The following BTBD9 variants were observed in gnomAD, a reference collection of about 807,000 sequenced individuals.
BTBD9 encodes the protein BTB domain containing 9, also known as BTB/POZ domain-containing protein 9.
BTBD9 carries 49 observed loss-of-function variants against 64.3 expected under a neutral mutation model. The observed-to-expected ratio is 0.76, with a 90% CI of 0.61 to 0.97. BTBD9 has a LOEUF of 0.97. Among genes scored for constraint, BTBD9 ranks in the 50% least tolerant of loss-of-function variants. The probability of loss-of-function intolerance (pLI) is 0.00; values close to 1 mark genes in which losing one functional copy is unlikely to be tolerated. For synonymous variants in BTBD9, 260 were observed against 274.7 expected (o/e 0.95, Z 0.53); for missense variants, 598 against 762.1 (o/e 0.78, Z 2.53).
Position 38,178,790 on chromosome 6 carries a change from C to T in BTBD9, c.1642-3608G>A, listed in dbSNP as rs888493225. On this transcript the variant is annotated intron_variant, in intron 10 of 10. Coordinates refer to ENST00000481247, the MANE Select transcript of BTBD9 (RefSeq NM_001099272.2). ...AGAGGCCACACCCAATGGGACAGGG[C>T]GAGGGCCTGGCCTTAAGCTGGGCAG... Among the ~76,000 whole-genome samples, 6 of 152,154 alleles carry T rather than the reference C, an allele frequency of 3.9e-5. No homozygotes were observed. The South Asian group carries it at 8.3e-4, about 21-fold the overall frequency.
At chr6:38,462,197 G>A (rs1443354850) in intron 6 of BTBD9, among the ~76,000 whole-genome samples, 1 of 152,034 alleles carries the variant, frequency 6.6e-6, no homozygotes, top group African/African-American at 2.4e-5. Context: ...TTTATGAATT[G>A]TTCTTTTGAT....
intron 9 of BTBD9, among the ~76,000 whole-genome samples, chr6:38,226,788 T>C (rs919161079): frequency 2.0e-5 from 3 of 152,194 alleles, no homozygotes; most frequent in Non-Finnish European, 2.9e-5. Flanking sequence ...CAGAGTTACC[T>C]CCACTGACAT....
intron 6 of BTBD9, among the ~76,000 whole-genome samples, chr6:38,555,280 A>G (rs1049471392): frequency 1.3e-5 from 2 of 152,198 alleles, no homozygotes; most frequent in Non-Finnish European, 2.9e-5. Context: ...GTTACCAGCA[A>G]AACTGGAGAG....
At chr6:38,504,915 C>T (rs1341268579) in intron 6 of BTBD9, among the ~76,000 whole-genome samples, 1 of 152,222 alleles carries the variant, frequency 6.6e-6, no homozygotes, top group African/African-American at 2.4e-5. Context: ...CACTTGTCTG[C>T]TGTTTCCACC....
At chr6:38,557,266 A>G (rs1039770907) in intron 6 of BTBD9, among the ~76,000 whole-genome samples, 32 of 151,844 alleles carry the variant, frequency 2.1e-4, no homozygotes, top group Non-Finnish European at 4.1e-4. Flanking sequence ...GAATCACTTC[A>G]CCCCGGAGGC....
intron 6 of BTBD9, among the ~76,000 whole-genome samples, chr6:38,450,961 CTTTG>C (rs1769513979): frequency 6.6e-6 from 1 of 152,180 alleles, no homozygotes; most frequent in Non-Finnish European, 1.5e-5. Flanking sequence ...GCTTTCATCA[CTTTG>C]TTTGTTGCCT....
At chr6:38,337,654 C>G (rs140717579) in intron 7 of BTBD9, among the ~76,000 whole-genome samples, 3 of 152,168 alleles carry the variant, frequency 2.0e-5, no homozygotes, top group Non-Finnish European at 4.4e-5. Flanking sequence ...ATTTCCATAC[C>G]TTGCCAATGT....
chr6:38,560,527 A>G (rs550872473), intron 6 of BTBD9, among the ~76,000 whole-genome samples: 4 of 152,350 alleles, frequency 2.6e-5, no homozygotes, highest in Admixed American at 2.6e-4. Flanking sequence ...TCCTTTATAT[A>G]AACATTTTTA....
At chr6:38,495,389 C>A (rs968056665) in intron 6 of BTBD9, among the ~76,000 whole-genome samples, 2 of 152,166 alleles carry the variant, frequency 1.3e-5, no homozygotes, top group African/African-American at 4.8e-5. Context: ...ATGCAGAAGA[C>A]CTATTTTCAC....
At chr6:38,233,022 G>A (rs994817582) in intron 9 of BTBD9, among the ~76,000 whole-genome samples, 1 of 152,156 alleles carries the variant, frequency 6.6e-6, no homozygotes, top group Non-Finnish European at 1.5e-5. Context: ...TGCTTCCTTG[G>A]TGGGAGGCCT....
At chr6:38,624,451 C>A (rs1403288134) in intron 1 of BTBD9, among the ~76,000 whole-genome samples, 4 of 152,068 alleles carry the variant, frequency 2.6e-5, no homozygotes, top group Non-Finnish European at 5.9e-5. Flanking sequence ...GTCAGAGAGA[C>A]CACGAACCCA....
chr6:38,252,330 C>A (rs894708636), intron 9 of BTBD9, among the ~76,000 whole-genome samples: 19 of 152,180 alleles, frequency 1.2e-4, no homozygotes, highest in Non-Finnish European at 4.4e-5. Flanking sequence ...CTAATAGAGT[C>A]CTCTCTTGAG....
chr6:38,612,674 A>C (rs776420018), intron 1 of BTBD9, among the ~76,000 whole-genome samples: 50 of 152,186 alleles, frequency 3.3e-4, no homozygotes, highest in Admixed American at 1.8e-3. Flanking sequence ...GCAGAGTCTC[A>C]ATTTAGAAAG....
At chr6:38,571,706 C>T (rs369371474) in intron 6 of BTBD9, 1 of 152,276 alleles carries the variant, frequency 6.6e-6, no homozygotes, top group Non-Finnish European at 1.5e-5. Context: ...CACCTGTAAT[C>T]CCAGCACTTT....
chr6:38,378,054 G>C (rs1765764831), intron 6 of BTBD9, among the ~76,000 whole-genome samples: 2 of 152,048 alleles, frequency 1.3e-5, no homozygotes, highest in African/African-American at 2.4e-5. Flanking sequence ...CTGGCAAACA[G>C]TGTGAACTTC....
At chr6:38,524,774 A>G (rs1466792070) in intron 6 of BTBD9, among the ~76,000 whole-genome samples, 1 of 152,116 alleles carries the variant, frequency 6.6e-6, no homozygotes, top group Non-Finnish European at 1.5e-5. Context: ...TTAACCCACA[A>G]AGAGTTTTGA....
intron 6 of BTBD9, among the ~76,000 whole-genome samples, chr6:38,453,407 C>G (rs1173970368): frequency 6.6e-6 from 1 of 152,160 alleles, no homozygotes; most frequent in African/African-American, 2.4e-5. Flanking sequence ...AAACTCCGTT[C>G]TCTGTTGTCA....
intron 6 of BTBD9, among the ~76,000 whole-genome samples, chr6:38,484,738 C>A (rs1162063355): frequency 6.6e-6 from 1 of 152,168 alleles, no homozygotes; most frequent in Non-Finnish European, 1.5e-5. Flanking sequence ...AAAAAAAGTA[C>A]AGATTATTAA....
intron 9 of BTBD9, among the ~76,000 whole-genome samples, chr6:38,213,973 G>A (rs1465191904): frequency 6.6e-6 from 1 of 150,834 alleles, no homozygotes; most frequent in Non-Finnish European, 1.5e-5. Context: ...TCCAGCCTGG[G>A]TGACAGAGCG....
Sources: allele counts gnomAD v4.1 joint callset (sites outside exome capture counted in the v4.1 genomes callset), GRCh38; gene constraint gnomAD v4.1.1; transcripts MANE v1.5; gene names NCBI Gene and HGNC (gene_info 2026-07-23, HGNC 2026-07-21).